Variants in ROBO2 observed in about 807,000 individuals in gnomAD.
ROBO2 encodes the protein roundabout guidance receptor 2, also known as roundabout homolog 2.
A neutral mutation model predicts 160.8 loss-of-function variants in ROBO2; 53 were observed. The observed-to-expected ratio is 0.33, with a 90% confidence interval of 0.26 to 0.41. The LOEUF (loss-of-function observed/expected upper bound fraction) is 0.41. ROBO2 is among the 10% of genes least tolerant of loss of function. The probability of loss-of-function intolerance (pLI) is 1.00; values close to 1 mark genes in which losing one functional copy is unlikely to be tolerated. For synonymous variants in ROBO2, 664 were observed against 611.7 expected, an observed-to-expected ratio of 1.09 and a Z score of -1.26; for missense variants, 1,577 against 1,722.4, an observed-to-expected ratio of 0.92 and a Z score of 1.49.
intron 2 of ROBO2, among the ~76,000 whole-genome samples, chr3:76,709,925 C>T (rs1234387670): frequency 6.6e-6 from 1 of 152,108 alleles, no homozygotes; most frequent in African/African-American, 2.4e-5. Context: ...CTTCTGCCAA[C>T]AGCTCTTCTG....
At chr3:76,782,878 T>A (rs550982653) in intron 2 of ROBO2, among the ~76,000 whole-genome samples, 1 of 151,034 alleles carries the variant, frequency 6.6e-6, no homozygotes, top group South Asian at 2.1e-4. Flanking sequence ...TTAGTTATTA[T>A]TGATAGTTAA....
At chr3:77,212,605 A>G (rs2084333076) in intron 2 of ROBO2, among the ~76,000 whole-genome samples, 1 of 152,092 alleles carries the variant, frequency 6.6e-6, no homozygotes, top group Non-Finnish European at 1.5e-5. Flanking sequence ...AGAACTTCCA[A>G]CACTATGTTG....
At chr3:76,049,610 A>G (rs1437131915) in intron 2 of ROBO2, among the ~76,000 whole-genome samples, 2 of 151,666 alleles carry the variant, frequency 1.3e-5, no homozygotes, top group African/African-American at 4.9e-5. Flanking sequence ...TAAGGCCTAA[A>G]TATTTTCTAA....
Position 77,379,065 on chromosome 3 carries a change from A to G in ROBO2, c.389-98349A>G, listed in dbSNP as rs535093671. Among the ~76,000 whole-genome samples, 129 of 151,536 alleles carry G rather than the reference A, an allele frequency of 8.5e-4. 2 individuals are homozygous for G. The highest frequency in any genetic ancestry group is 1.6e-4 in the Non-Finnish European group (11 of 67,970). Reference sequence around the variant, plus strand: ...CAGGTTCAAGCGATTCTCCTGTCTCAGCCTCTCGAGTAGCTGGGATTACAG... The same window carrying G: ...CAGGTTCAAGCGATTCTCCTGTCTCGGCCTCTCGAGTAGCTGGGATTACAG... On this transcript the variant is annotated intron_variant, in intron 2 of 25. Transcript: ENST00000461745.
At chr3:76,159,679 G>A (rs1207265013) in intron 2 of ROBO2, among the ~76,000 whole-genome samples, 1 of 151,984 alleles carries the variant, frequency 6.6e-6, no homozygotes, top group Non-Finnish European at 1.5e-5. Flanking sequence ...AAATTTTGTG[G>A]AAAATGAAAG....
intron 2 of ROBO2, among the ~76,000 whole-genome samples, chr3:77,268,368 A>G (rs952443784): frequency 6.6e-6 from 1 of 152,274 alleles, no homozygotes; most frequent in African/African-American, 2.4e-5. Context: ...CGTTTTAAAT[A>G]CTCACTGTGC....
intron 24 of ROBO2, chr3:77,642,792 A>G (rs1269184592): frequency 6.6e-6 from 3 of 456,742 alleles, no homozygotes; most frequent in Non-Finnish European, 1.3e-5. Context: ...TAGAGAGACA[A>G]CATGCATCCA....
chr3:77,185,603 G>C (rs34148270), intron 2 of ROBO2, among the ~76,000 whole-genome samples: 44,926 of 151,842 alleles, frequency 0.3, 7,918 homozygotes, highest in Middle Eastern at 0.47. Flanking sequence ...ACAGTGTGGA[G>C]AGTCCTTAAA....
chr3:76,246,917 G>T (rs958650913), intron 2 of ROBO2, among the ~76,000 whole-genome samples: 1 of 152,052 alleles, frequency 6.6e-6, no homozygotes, highest in Non-Finnish European at 1.5e-5. Flanking sequence ...TAAAATTGAT[G>T]ACCCTGGAAA....
At chr3:77,501,575 G>A (rs1488059161) in intron 5 of ROBO2, among the ~76,000 whole-genome samples, 2 of 152,150 alleles carry the variant, frequency 1.3e-5, no homozygotes, top group African/African-American at 4.8e-5. Flanking sequence ...ACATGTCTGA[G>A]TACCAGAGTC....
chr3:76,805,139 CATT>C (rs1463716242), intron 2 of ROBO2, among the ~76,000 whole-genome samples: 2 of 151,946 alleles, frequency 1.3e-5, no homozygotes, highest in Admixed American at 1.3e-4. Context: ...AATAAGTAAA[CATT>C]AGAGTTTCTG....
intron 2 of ROBO2, among the ~76,000 whole-genome samples, chr3:76,697,624 C>T (rs181463717): frequency 2.0e-4 from 30 of 151,910 alleles, no homozygotes; most frequent in Non-Finnish European, 1.0e-4. Context: ...CCAGCCTGGG[C>T]GACAGAGTGA....
At chr3:76,079,425 A>G (rs924195411) in intron 2 of ROBO2, among the ~76,000 whole-genome samples, 3 of 151,646 alleles carry the variant, frequency 2.0e-5, no homozygotes, top group East Asian at 1.9e-4. Flanking sequence ...AAATATGTGC[A>G]ATTATTACGT....
chr3:76,480,123 TTA>T (rs2079134285), intron 2 of ROBO2, among the ~76,000 whole-genome samples: 2 of 152,152 alleles, frequency 1.3e-5, no homozygotes, highest in South Asian at 4.1e-4. Flanking sequence ...CATAAGTTAT[TTA>T]TTCCTACAGA....
intron 6 of ROBO2, among the ~76,000 whole-genome samples, chr3:77,531,188 A>C (rs1053957870): frequency 6.6e-6 from 1 of 152,058 alleles, no homozygotes; most frequent in Non-Finnish European, 1.5e-5. Context: ...AAAATATCAA[A>C]AAACAAACTG....
intron 2 of ROBO2, among the ~76,000 whole-genome samples, chr3:77,351,856 CAA>C (rs1269881131): frequency 1.3e-5 from 2 of 149,472 alleles, no homozygotes; most frequent in Non-Finnish European, 3.0e-5. Flanking sequence ...GACAAAAAAC[CAA>C]ACACCTCATG....
chr3:76,988,352 T>G (rs2060495420), intron 2 of ROBO2, among the ~76,000 whole-genome samples: 2 of 152,148 alleles, frequency 1.3e-5, no homozygotes, highest in Admixed American at 1.3e-4. Context: ...AGTGAAGTAG[T>G]AAATTGAGAA....
rs2093878873 is a variant in ROBO2, at chr3:76,745,831, ATT to A, written c.110-352181_110-352180del. Among the ~76,000 whole-genome samples the A allele has an allele frequency of 2.2e-5, 3 of 138,604 alleles. No homozygotes were observed. In the Admixed American group the frequency reaches 2.3e-4, roughly 10 times the overall value. The allele number at this position is 138,604 out of a possible 152,430, so 90.9% of individuals were successfully genotyped here. A position where few individuals can be genotyped will look rare whatever the true frequency, so the allele number is the denominator to read the frequency against. ...TATTTATTTATTTATTTATTTATTT[ATT>A]TATTTTATTATTATTATACTTTAAG... On this transcript the variant is annotated intron_variant, in intron 2 of 26. Coordinates refer to the ROBO2 transcript ENST00000487694.
At chr3:77,477,032 C>CAT (rs745986598) in intron 2 of ROBO2, among the ~76,000 whole-genome samples, 7 of 151,710 alleles carry the variant, frequency 4.6e-5, no homozygotes, top group Non-Finnish European at 7.4e-5. Context: ...AAACCACATG[C>CAT]ATATATATAT....
Sources: gnomAD v4.1 joint callset for allele counts (sites outside exome capture counted in the v4.1 genomes callset) on GRCh38, gnomAD v4.1.1 for gene constraint, MANE v1.5 for transcripts, NCBI Gene and HGNC (gene_info 2026-07-23, HGNC 2026-07-21) for gene names.